The following HIVEP3 variants were observed in gnomAD, a reference collection of about 807,000 sequenced individuals.
The protein encoded by HIVEP3 is HIVEP zinc finger 3, also known as transcription factor HIVEP3.
In HIVEP3, 49 loss-of-function variants were observed where a neutral mutation model predicts 152.8. That is an observed-to-expected ratio of 0.32 (90% CI 0.26 to 0.41). The LOEUF (loss-of-function observed/expected upper bound fraction) is 0.41, where lower values mean the gene tolerates loss of function less well. Ranked by LOEUF, HIVEP3 falls within the 10% of genes least tolerant of loss-of-function variation. The pLI is 1.00. For synonymous variants in HIVEP3, 1,269 were observed against 1,289.0 expected (o/e 0.98, Z 0.33); for missense variants, 2,790 against 3,103.3 (o/e 0.90, Z 2.40).
chr1:41,925,662 A>C (rs748596666), intron 1 of HIVEP3, among the ~76,000 whole-genome samples: 17 of 152,222 alleles, frequency 1.1e-4, no homozygotes, highest in Non-Finnish European at 2.4e-4. Flanking sequence ...TCCTTTCAGC[A>C]AAAGCTTGCC....
chr1:41,616,563 C>T (rs1321468022), intron 3 of HIVEP3, among the ~76,000 whole-genome samples: 1 of 119,502 alleles, frequency 8.4e-6, no homozygotes, highest in Non-Finnish European at 1.7e-5. Context: ...GAGGCAATAG[C>T]AATTACTTTT....
At chr1:41,706,689 G>A (rs567311642) in intron 1 of HIVEP3, among the ~76,000 whole-genome samples, 3 of 152,186 alleles carry the variant, frequency 2.0e-5, no homozygotes, top group Non-Finnish European at 2.9e-5. Flanking sequence ...GCAGTAGGAG[G>A]GGACCAGGAA....
At chr1:41,939,306 T>C (rs1226864574) in intron 1 of HIVEP3, among the ~76,000 whole-genome samples, 1 of 152,220 alleles carries the variant, frequency 6.6e-6, no homozygotes, top group African/African-American at 2.4e-5. Flanking sequence ...TTTCATTTTT[T>C]AAAGAATGAA....
chr1:41,546,409 A>G (rs1643805632), intron 5 of HIVEP3, among the ~76,000 whole-genome samples: 1 of 152,204 alleles, frequency 6.6e-6, no homozygotes, highest in Non-Finnish European at 1.5e-5. Context: ...GCAGGCTCAG[A>G]GCTGACAGAG....
At position 41,638,258 on chromosome 1, in the gene HIVEP3, G is replaced by GAAAGA. The variant is rs148935488; in HGVS notation, c.-720-9316_-720-9312dup. Among the ~76,000 whole-genome samples the GAAAGA allele has an allele frequency of 2.8e-3, 391 of 139,978 alleles. 2 individuals are homozygous for GAAAGA. The highest frequency in any genetic ancestry group is 4.5e-3 in the Admixed American group (61 of 13,512). 91.8% of individuals were successfully genotyped at this position (139,978 alleles called of 152,430 possible). A position where few individuals can be genotyped will look rare whatever the true frequency, so the allele number is the denominator to read the frequency against. On this transcript the variant is annotated intron_variant, in intron 2 of 8. Transcript: ENST00000372583. The stretch of plus-strand genomic sequence containing the variant: ...AGACAGAGAAATAAAGAAAGAGAGA[G>GAAAGA]AAAGAAAGAAAGAAAGAAAGAAAGA...
At chr1:41,739,453 G>A (rs1221737826) in intron 1 of HIVEP3, among the ~76,000 whole-genome samples, 1 of 152,230 alleles carries the variant, frequency 6.6e-6, no homozygotes, top group African/African-American at 2.4e-5. Context: ...TGGCGGCCAA[G>A]TGACCGCCCA....
At chr1:41,529,014 C>T (rs532879269) in intron 5 of HIVEP3, among the ~76,000 whole-genome samples, 1 of 142,982 alleles carries the variant, frequency 7.0e-6, no homozygotes, top group East Asian at 2.2e-4. Context: ...CTCACACTCA[C>T]ACCACTGACC....
intron 1 of HIVEP3, among the ~76,000 whole-genome samples, chr1:41,892,289 T>C (rs929893610): frequency 6.6e-6 from 1 of 152,128 alleles, no homozygotes; most frequent in African/African-American, 2.4e-5. Context: ...GAGTAAAACA[T>C]ATTGCTAGCT....
rs144902973 is a variant in HIVEP3 at position 41,664,489 on chromosome 1, C to T, written c.-720-35542G>A. 6.6e-6 allele frequency among the ~76,000 whole-genome samples: 1 copy of T among 152,338 alleles called. No individual in the cohort carries two copies. Among genetic ancestry groups the T allele is most frequent in the Non-Finnish European group, 1.5e-5 (1 of 68,042 alleles). ...GGCAACTCAATAGTTCCTGCCTCTA[C>T]AGACTTGCCCATCACCTCACATTGA... is the stretch of plus-strand genomic sequence containing the variant. On this transcript the variant is annotated intron_variant, in intron 2 of 8. Coordinates refer to ENST00000372583, the MANE Select transcript of HIVEP3 (RefSeq NM_024503.5). This position sits in a 1 kb window ranked among gnomAD's most constrained non-coding sequence, Gnocchi z 4.4.
rs920555367 is a variant in HIVEP3 at position 41,862,953 on chromosome 1, G to A, written c.-801+55460C>T. ...AGCTGCAGTTATTCTGAATGGCAGC[G>A]GGAGGGAAGGAAACAATGAATGCAC... On this transcript the variant is annotated intron_variant, in intron 1 of 8. Coordinates refer to ENST00000372583, the MANE Select transcript of HIVEP3 (RefSeq NM_024503.5). Among the ~76,000 whole-genome samples the A allele has an allele frequency of 1.3e-4, 20 of 152,282 alleles. No homozygotes were observed. In the Middle Eastern group the frequency reaches 0.014, roughly 104 times the overall value.
intron 1 of HIVEP3, among the ~76,000 whole-genome samples, chr1:41,843,502 A>G (rs1044038351): frequency 6.6e-6 from 1 of 152,172 alleles, no homozygotes; most frequent in African/African-American, 2.4e-5. Context: ...ACTCCAGTAA[A>G]GAATGTGAAA....
intron 1 of HIVEP3, among the ~76,000 whole-genome samples, chr1:41,955,757 A>C (rs765279930): frequency 6.6e-6 from 1 of 152,212 alleles, no homozygotes; most frequent in African/African-American, 2.4e-5. Flanking sequence ...GGAGAAGTTA[A>C]CCAGAAGGGA....
At chr1:41,939,057 C>T (rs918897580) in intron 1 of HIVEP3, among the ~76,000 whole-genome samples, 7 of 152,288 alleles carry the variant, frequency 4.6e-5, no homozygotes, top group Middle Eastern at 3.4e-3. Context: ...GCAGCAGTAA[C>T]GGTTTTTACT....
intron 5 of HIVEP3, among the ~76,000 whole-genome samples, chr1:41,558,932 C>T (rs1644012280): frequency 6.6e-6 from 1 of 152,120 alleles, no homozygotes; most frequent in Non-Finnish European, 1.5e-5. Context: ...AGCCTGCCTG[C>T]CCAGTAAGCC....
chr1:41,892,094 A>C (rs1644455667), intron 1 of HIVEP3, among the ~76,000 whole-genome samples: 1 of 152,274 alleles, frequency 6.6e-6, no homozygotes, highest in African/African-American at 2.4e-5. Context: ...AACCAGAACT[A>C]AAATATTTGG....
chr1:41,796,437 G>A (rs949359712), intron 1 of HIVEP3, among the ~76,000 whole-genome samples: 1 of 152,186 alleles, frequency 6.6e-6, no homozygotes, highest in South Asian at 2.1e-4. Flanking sequence ...TCAAATCCCA[G>A]CCCTGCCACT....
chr1:41,853,824 A>C (rs1643674408), intron 1 of HIVEP3, among the ~76,000 whole-genome samples: 1 of 152,110 alleles, frequency 6.6e-6, no homozygotes, highest in Non-Finnish European at 1.5e-5. Context: ...AACCTGCCAC[A>C]AGCTACCCAG....
chr1:41,603,462 C>A (rs924344941), intron 3 of HIVEP3, among the ~76,000 whole-genome samples: 2 of 152,068 alleles, frequency 1.3e-5, no homozygotes, highest in Non-Finnish European at 2.9e-5. Flanking sequence ...CAGGTTCAAG[C>A]GATTCTCCTG....
intron 1 of HIVEP3, among the ~76,000 whole-genome samples, chr1:41,903,907 T>G (rs1415702277): frequency 2.3e-5 from 3 of 131,786 alleles, no homozygotes; most frequent in African/African-American, 1.0e-4. Context: ...TTTTTTTCTT[T>G]TTTTTTTTTT....
Sources: gnomAD v4.1 joint callset for allele counts (sites outside exome capture counted in the v4.1 genomes callset) on GRCh38, gnomAD v4.1.1 for gene constraint, Gnocchi (gnomAD v3.1) non-coding constraint, MANE v1.5 for transcripts, NCBI Gene and HGNC (gene_info 2026-07-23, HGNC 2026-07-21) for gene names.